The following XG variants were observed in gnomAD, a reference collection of about 807,000 sequenced individuals.
XG encodes Xg glycoprotein (Xg blood group), also known as glycoprotein Xg.
Under a neutral mutation model 25.7 loss-of-function variants are expected in XG, and 24 were observed. The ratio of observed to expected loss-of-function variants is 0.93; its 90% CI spans 0.68 to 1.31. The LOEUF (loss-of-function observed/expected upper bound fraction) is 1.31, where lower values mean the gene tolerates loss of function less well. Among genes scored for constraint, XG ranks in the 40% most tolerant of loss-of-function variants. The probability of loss-of-function intolerance (pLI) is 0.00; values close to 1 mark genes in which losing one functional copy is unlikely to be tolerated. For synonymous variants in XG, 77 were observed against 69.2 expected (o/e 1.11, Z -0.56); for missense variants, 181 against 187.6 (o/e 0.96, Z 0.21).
At chrX:2,762,895 GC>G (rs1216336286) in intron 1 of XG, among the ~76,000 whole-genome samples, 1 of 152,190 alleles carries the variant, frequency 6.6e-6, no homozygotes, top group Non-Finnish European at 1.5e-5. Context: ...GAAATTCCAG[GC>G]ACCTCGCTGG....
intron 7 of XG, among the ~76,000 whole-genome samples, chrX:2,803,575 T>C (rs1461365917): frequency 9.1e-6 from 1 of 109,335 alleles, no homozygotes; most frequent in Non-Finnish European, 1.9e-5. Context: ...GAGGGCTGAT[T>C]GGTCAGGTTG....
chrX:2,754,486 G>T (rs1434248338), intron 1 of XG, among the ~76,000 whole-genome samples: 2 of 152,162 alleles, frequency 1.3e-5, no homozygotes, highest in East Asian at 3.8e-4. Context: ...CCCTATGACG[G>T]GAGTGTCGTG....
At position 2,770,596 on chromosome X, in the gene XG, G is replaced by T. The variant is rs1413216717; in HGVS notation, c.103+5G>T. On this transcript the variant is annotated splice_donor_5th_base_variant and intron_variant, in intron 2 of 10. Transcript: ENST00000644266. ...CAGATGCCCTTGATGACCCTGGTAAGTGCCGATATTTCAAGGGGAGCCTTC... is the reference window on the plus strand; with the variant it reads ...CAGATGCCCTTGATGACCCTGGTAATTGCCGATATTTCAAGGGGAGCCTTC... 1 of 1,613,810 alleles carries T rather than the reference G, an allele frequency of 6.2e-7. No homozygotes were observed. The highest frequency in any genetic ancestry group is 8.5e-7 in the Non-Finnish European group (1 of 1,179,874).
At chrX:2,809,652 A>G (rs1339623813) in intron 9 of XG, among the ~76,000 whole-genome samples, 1 of 112,557 alleles carries the variant, frequency 8.9e-6, no homozygotes, top group Admixed American at 9.4e-5. Context: ...TGAGTCAGCA[A>G]TTTGGGCTGA....
chrX:2,773,951 G>A (rs190645187), intron 2 of XG, among the ~76,000 whole-genome samples: 96 of 152,234 alleles, frequency 6.3e-4, no homozygotes, highest in Non-Finnish European at 1.2e-3. Context: ...CATATGCCCC[G>A]TTTGGAGGTT....
At chrX:2,765,158 C>T (rs2050652806) in intron 1 of XG, among the ~76,000 whole-genome samples, 4 of 151,594 alleles carry the variant, frequency 2.6e-5, no homozygotes, top group Admixed American at 2.6e-4. Flanking sequence ...CCAGCCTGGC[C>T]AACATGGTGA....
intron 3 of XG, among the ~76,000 whole-genome samples, chrX:2,776,118 C>T (rs2050983726): frequency 7.1e-6 from 1 of 141,844 alleles, no homozygotes; most frequent in Non-Finnish European, 1.6e-5. Flanking sequence ...TATGTTGTAC[C>T]TGAGCGAGTT....
intron 7 of XG, among the ~76,000 whole-genome samples, chrX:2,804,990 G>A (rs1369108715): frequency 1.8e-5 from 2 of 112,505 alleles, no homozygotes; most frequent in African/African-American, 6.4e-5. Context: ...TCCCCTTCCT[G>A]CCTGGACCCC....
chrX:2,769,588 C>T (rs2050770190), intron 1 of XG, among the ~76,000 whole-genome samples: 2 of 152,188 alleles, frequency 1.3e-5, no homozygotes, highest in African/African-American at 4.8e-5. Flanking sequence ...GTGGTGTTTT[C>T]TCTACAAGGC....
At chrX:2,806,579 T>C in intron 7 of XG, 122 bp from the exon 8 acceptor site, 1 of 610,968 alleles carries the variant, frequency 1.6e-6, no homozygotes, top group Non-Finnish European at 2.6e-6. Context: ...GGGAGAGCAT[T>C]GGAATCTCTG....
At chrX:2,754,470 C>T (rs780542489) in intron 1 of XG, among the ~76,000 whole-genome samples, 137 of 152,264 alleles carry the variant, frequency 9.0e-4, no homozygotes, top group Admixed American at 5.2e-3. Context: ...GTTGATTGTC[C>T]CTCAGCCCTA....
chrX:2,758,899 C>G (rs1165435124), intron 1 of XG, among the ~76,000 whole-genome samples: 2 of 152,180 alleles, frequency 1.3e-5, no homozygotes, highest in Non-Finnish European at 2.9e-5. Context: ...ATTATATACA[C>G]CTATCATCTA....
rs182286895 is a variant in XG, at chrX:2,758,395, C to G, written c.61+6060C>G. Reference sequence around the variant, plus strand: ...GGAGACCTGCATTTTAAGAAGCACCCCAGGTGATGCCCAAGCGGAGCTATG... The same window carrying G: ...GGAGACCTGCATTTTAAGAAGCACCGCAGGTGATGCCCAAGCGGAGCTATG... On this transcript the variant is annotated intron_variant, in intron 1 of 10. Coordinates refer to ENST00000644266, the MANE Select transcript of XG (RefSeq NM_001141919.2). Among the ~76,000 whole-genome samples, 151 of 152,234 alleles carry G rather than the reference C, an allele frequency of 9.9e-4. 1 individual carries two copies. The highest frequency in any genetic ancestry group is 9.5e-3 in the Admixed American group (145 of 15,284).
intron 1 of XG, among the ~76,000 whole-genome samples, chrX:2,757,274 G>C (rs2050456207): frequency 6.6e-6 from 1 of 152,012 alleles, no homozygotes; most frequent in Admixed American, 6.6e-5. Flanking sequence ...ATGGGGTCTG[G>C]GGTTTGGGGT....
intron 1 of XG, among the ~76,000 whole-genome samples, chrX:2,764,226 G>A (rs2050626500): frequency 1.3e-5 from 2 of 152,312 alleles, no homozygotes; most frequent in Middle Eastern, 3.4e-3. Context: ...AGGCATGAAT[G>A]GGCCACTCCT....
intron 1 of XG, among the ~76,000 whole-genome samples, chrX:2,759,198 G>A (rs1450681875): frequency 2.6e-5 from 4 of 151,944 alleles, no homozygotes; most frequent in Admixed American, 1.3e-4. Flanking sequence ...TCTCGCATTC[G>A]GTGGGTGGAG....
intron 10 of XG, among the ~76,000 whole-genome samples, chrX:2,812,714 A>G (rs777963702): frequency 9.0e-6 from 1 of 111,565 alleles, no homozygotes; most frequent in African/African-American, 3.3e-5. Context: ...TTTCTGAAAA[A>G]CTGCCTTATT....
chrX:2,765,112 C>T (rs368041038), intron 1 of XG, among the ~76,000 whole-genome samples: 2 of 142,378 alleles, frequency 1.4e-5, no homozygotes, highest in East Asian at 2.1e-4. Context: ...CTTTGGGAGG[C>T]CAAGGTGGGT....
intron 1 of XG, among the ~76,000 whole-genome samples, chrX:2,759,790 C>T (rs2050522146): frequency 6.6e-6 from 1 of 152,216 alleles, no homozygotes; most frequent in Admixed American, 6.5e-5. Flanking sequence ...TGGGGTTCTG[C>T]CTGCAGGTGG....
Sources: allele counts gnomAD v4.1 joint callset (sites outside exome capture counted in the v4.1 genomes callset), GRCh38; gene constraint gnomAD v4.1.1; transcripts MANE v1.5; gene names NCBI Gene and HGNC (gene_info 2026-07-23, HGNC 2026-07-21).